FRMD4B: variants seen among roughly 807,000 people sequenced by gnomAD.
FRMD4B encodes the protein FERM domain-containing protein 4B.
In FRMD4B, 74 loss-of-function variants were observed where a neutral mutation model predicts 141.5. The ratio of observed to expected loss-of-function variants is 0.52; its 90% CI spans 0.43 to 0.63. FRMD4B has a LOEUF of 0.63. FRMD4B is among the 30% of genes least tolerant of loss of function. The pLI is 0.00. For synonymous variants in FRMD4B, 506 were observed against 467.9 expected (o/e 1.08, Z -1.05); for missense variants, 1,366 against 1,253.4 (o/e 1.09, Z -1.36).
intron 1 of FRMD4B, among the ~76,000 whole-genome samples, chr3:69,369,154 C>T (rs879683765): frequency 1.3e-5 from 2 of 152,084 alleles, no homozygotes; most frequent in Non-Finnish European, 2.9e-5. Flanking sequence ...GGAAAAAAAG[C>T]GAAAGCTATC....
intron 1 of FRMD4B, chr3:69,334,007 C>G (rs1332981713): frequency 6.6e-6 from 1 of 152,202 alleles, no homozygotes; most frequent in Non-Finnish European, 1.5e-5. Context: ...GGGTAAATCT[C>G]TTGCATCCAT....
At chr3:69,356,993 T>C (rs566962266) in intron 1 of FRMD4B, among the ~76,000 whole-genome samples, 1 of 152,294 alleles carries the variant, frequency 6.6e-6, no homozygotes, top group African/African-American at 2.4e-5. Context: ...ATCTAATATG[T>C]CAGTTTGTGT....
intron 2 of FRMD4B, among the ~76,000 whole-genome samples, chr3:69,426,974 G>A (rs1203316120): frequency 1.3e-5 from 2 of 152,104 alleles, no homozygotes; most frequent in African/African-American, 4.8e-5. Context: ...ACTATTTATA[G>A]GGATTCTTAT....
rs117057263 is a variant in FRMD4B at position 69,377,606 on chromosome 3, G to A, written c.162+8222C>T. ...TGGAAATCGCAGTCCCTTAAAGAGA[G>A]CTGCCTCCTCCAAGGTCATCCCATC... is the stretch of plus-strand genomic sequence containing the variant. On this transcript the variant is annotated intron_variant, in intron 1 of 22. Transcript: ENST00000398540. Among the ~76,000 whole-genome samples the A allele has an allele frequency of 4.6e-5, 7 of 152,254 alleles. No individual in the cohort carries two copies. In the East Asian group the frequency reaches 1.2e-3, roughly 25 times the overall value.
intron 1 of FRMD4B, among the ~76,000 whole-genome samples, chr3:69,457,826 T>C (rs755038899): frequency 3.5e-4 from 54 of 152,308 alleles, no homozygotes; most frequent in South Asian, 8.3e-4. Context: ...TTGACGGTTC[T>C]AGCAATATGG....
At chr3:69,536,804 T>C (rs1575604397) in intron 1 of FRMD4B, 3 of 420,256 alleles carry the variant, frequency 7.1e-6, no homozygotes, top group South Asian at 2.2e-5. Context: ...TGGAGTGCAA[T>C]GGCACTATCA....
At chr3:69,454,622 C>T (rs115824848) in intron 1 of FRMD4B, among the ~76,000 whole-genome samples, 12 of 152,320 alleles carry the variant, frequency 7.9e-5, no homozygotes, top group South Asian at 4.1e-4. Context: ...CCAGCACTGC[C>T]GGCCCGCCCA....
chr3:69,420,855 G>A (rs1238374369), intron 2 of FRMD4B, among the ~76,000 whole-genome samples: 6 of 152,226 alleles, frequency 3.9e-5, no homozygotes, highest in Non-Finnish European at 8.8e-5. Context: ...GGAACTGTAT[G>A]AAGCAAAGAT....
At chr3:69,468,336 T>G (rs538187327) in intron 1 of FRMD4B, among the ~76,000 whole-genome samples, 1 of 152,272 alleles carries the variant, frequency 6.6e-6, no homozygotes, top group South Asian at 2.1e-4. Flanking sequence ...CCTTTTATAG[T>G]GTTTTCTTGT....
intron 1 of FRMD4B, among the ~76,000 whole-genome samples, chr3:69,368,546 C>T (rs1703734359): frequency 6.6e-6 from 1 of 152,206 alleles, no homozygotes; most frequent in African/African-American, 2.4e-5. Context: ...GCTTTGCATA[C>T]TTCTTGAACA....
At chr3:69,405,214 T>C (rs1704630278) in intron 2 of FRMD4B, among the ~76,000 whole-genome samples, 1 of 152,238 alleles carries the variant, frequency 6.6e-6, no homozygotes, top group Admixed American at 6.5e-5. Flanking sequence ...TCTGGTGTGT[T>C]CCTTTACACG....
chr3:69,453,103 A>C (rs1490718386), intron 1 of FRMD4B, among the ~76,000 whole-genome samples: 1 of 152,192 alleles, frequency 6.6e-6, no homozygotes, highest in Admixed American at 6.5e-5. Context: ...ACAATTCCAG[A>C]AGTGTGGGGA....
intron 1 of FRMD4B, among the ~76,000 whole-genome samples, chr3:69,537,362 C>T (rs1229006371): frequency 6.6e-6 from 1 of 152,158 alleles, no homozygotes; most frequent in Non-Finnish European, 1.5e-5. Flanking sequence ...AAATAAAGAC[C>T]TCAAGGCTGA....
intron 1 of FRMD4B, among the ~76,000 whole-genome samples, chr3:69,464,976 C>T (rs1168482983): frequency 6.6e-6 from 1 of 152,174 alleles, no homozygotes; most frequent in Non-Finnish European, 1.5e-5. Context: ...AGAGGCTTTA[C>T]AGACATATCA....
At chr3:69,366,182 C>T (rs771060937) in intron 1 of FRMD4B, among the ~76,000 whole-genome samples, 5 of 151,354 alleles carry the variant, frequency 3.3e-5, no homozygotes, top group Non-Finnish European at 7.4e-5. Context: ...ATTGTTTGAA[C>T]CCAGGAGGCG....
At chr3:69,494,576 AG>A (rs1159852969) in intron 1 of FRMD4B, among the ~76,000 whole-genome samples, 4 of 152,148 alleles carry the variant, frequency 2.6e-5, no homozygotes, top group African/African-American at 9.7e-5. Flanking sequence ...TGGTAGTCAA[AG>A]TCACAACAGA....
rs1046970383 is a variant in FRMD4B, at chr3:69,266,972, C to T, written c.502-16873G>A. Among the ~76,000 whole-genome samples the T allele has an allele frequency of 5.3e-5, 8 of 152,174 alleles. No homozygotes were observed. The East Asian group carries it at 1.3e-3, about 26-fold the overall frequency. ...GATGCAACTGAGGCCATTTCATCAT[C>T]TATAGAGTGTTCGTGCCATGAGAAA... On this transcript the variant is annotated intron_variant, in intron 5 of 22. Transcript: ENST00000398540.
Position 69,328,570 on chromosome 3 carries a change from G to A in FRMD4B, c.163-15053C>T, listed in dbSNP as rs555709803. On this transcript the variant is annotated intron_variant, in intron 1 of 22. Coordinates refer to ENST00000398540, the MANE Select transcript of FRMD4B (RefSeq NM_015123.3). ...GATGAGATAGGAGGTCAGCAGGGCT[G>A]GTATCACAAGATACAGGTCATAAAG... Among the ~76,000 whole-genome samples the A allele has an allele frequency of 1.9e-4, 29 of 152,206 alleles. No individual in the cohort carries two copies. In the South Asian group the frequency reaches 6.0e-3, roughly 32 times the overall value.
At chr3:69,247,982 G>A (rs1043298095) in intron 7 of FRMD4B, among the ~76,000 whole-genome samples, 7 of 151,826 alleles carry the variant, frequency 4.6e-5, no homozygotes, top group Non-Finnish European at 8.8e-5. Context: ...AGTAGAGACA[G>A]GGTTTCACCA....
Sources: gnomAD v4.1 joint callset for allele counts (sites outside exome capture counted in the v4.1 genomes callset) on GRCh38, gnomAD v4.1.1 for gene constraint, MANE v1.5 for transcripts, NCBI Gene and HGNC (gene_info 2026-07-23, HGNC 2026-07-21) for gene names.